The following PTPRM variants were observed in gnomAD, a reference collection of about 807,000 sequenced individuals.
The protein encoded by PTPRM is receptor-type tyrosine-protein phosphatase mu.
Under a neutral mutation model 186.7 loss-of-function variants are expected in PTPRM, and 47 were observed. That is an observed-to-expected ratio of 0.25 (90% confidence interval 0.20 to 0.32). The LOEUF (loss-of-function observed/expected upper bound fraction) is 0.32, where lower values mean the gene tolerates loss of function less well. Ranked by LOEUF, PTPRM falls within the 10% of genes least tolerant of loss-of-function variation. The pLI, the probability that PTPRM is intolerant of heterozygous loss-of-function variation, is 1.00. For synonymous variants in PTPRM, 668 were observed against 674.9 expected (o/e 0.99, Z 0.16); for missense variants, 1,494 against 1,865.0 (o/e 0.80, Z 3.66).
At chr18:7,574,986 C>G (rs1260107734) in intron 1 of PTPRM, among the ~76,000 whole-genome samples, 1 of 152,236 alleles carries the variant, frequency 6.6e-6, no homozygotes, top group South Asian at 2.1e-4. Context: ...GAGCCGAGAT[C>G]GCGCCACTGC....
At chr18:8,312,606 A>G (rs2095277693) in intron 20 of PTPRM, among the ~76,000 whole-genome samples, 1 of 152,076 alleles carries the variant, frequency 6.6e-6, no homozygotes, top group South Asian at 2.1e-4. Context: ...GTAATCCCAC[A>G]AGGTAGGCAC....
intron 23 of PTPRM, chr18:8,360,836 A>G (rs577395992): frequency 1.3e-5 from 2 of 152,388 alleles, no homozygotes; most frequent in Admixed American, 1.3e-4. Context: ...GTAAGTAAAC[A>G]GATGTCTTTA....
chr18:8,365,922 T>C (rs2095626302), intron 23 of PTPRM: 1 of 152,254 alleles, frequency 6.6e-6, no homozygotes, highest in African/African-American at 2.4e-5. Context: ...TGGCTAAATG[T>C]TTTCATCACA....
chr18:7,611,899 CT>C (rs1354422472), intron 1 of PTPRM, among the ~76,000 whole-genome samples: 1 of 152,144 alleles, frequency 6.6e-6, no homozygotes, highest in East Asian at 1.9e-4. Context: ...ATTGCCCAGT[CT>C]TGGGTATGTC....
At chr18:7,646,917 G>A (rs1296548496) in intron 1 of PTPRM, among the ~76,000 whole-genome samples, 1 of 152,098 alleles carries the variant, frequency 6.6e-6, no homozygotes. Context: ...TTTTTAGGGG[G>A]AGGTGGGGGA....
At chr18:8,164,935 T>C (rs2093296884) in intron 14 of PTPRM, among the ~76,000 whole-genome samples, 1 of 151,940 alleles carries the variant, frequency 6.6e-6, no homozygotes, top group Non-Finnish European at 1.5e-5. Flanking sequence ...GAGGCCAAGG[T>C]GGGCGGATCA....
At chr18:7,894,618 TA>T (rs1477066458) in intron 3 of PTPRM, among the ~76,000 whole-genome samples, 2 of 151,656 alleles carry the variant, frequency 1.3e-5, no homozygotes, top group Non-Finnish European at 2.9e-5. Flanking sequence ...TATTTTTTAA[TA>T]TTTTTTTTCC....
At chr18:8,379,457 T>G (rs1447853075) in intron 28 of PTPRM, 117 bp downstream of exon 28, 1 of 1,097,454 alleles carries the variant, frequency 9.1e-7, no homozygotes, top group African/African-American at 1.6e-5. Context: ...GACACAAACT[T>G]TTTTTTCCAA....
chr18:8,269,606 A>G (rs1381883591), intron 19 of PTPRM, among the ~76,000 whole-genome samples: 1 of 152,028 alleles, frequency 6.6e-6, no homozygotes, highest in Non-Finnish European at 1.5e-5. Flanking sequence ...GAATAAAACT[A>G]TAGGCATTAG....
intron 13 of PTPRM, among the ~76,000 whole-genome samples, chr18:8,139,681 T>C (rs1249212043): frequency 3.9e-5 from 6 of 152,166 alleles, no homozygotes; most frequent in Admixed American, 1.3e-4. Context: ...TTCTCCTCCC[T>C]GGATGTCACT....
intron 6 of PTPRM, among the ~76,000 whole-genome samples, chr18:7,953,308 CATTTGCAACTCGAAAGT>C (rs1304025544): frequency 6.6e-6 from 1 of 152,152 alleles, no homozygotes; most frequent in Non-Finnish European, 1.5e-5. Flanking sequence ...CCCTTGCTAG[CATTTGCAACTCGAAAGT>C]AATTAACTGC....
rs1345519818 is a variant in PTPRM, at chr18:8,126,023, A to ATTTT, written c.2167+11197_2167+11198insTTTT. Among the ~76,000 whole-genome samples the ATTTT allele has an allele frequency of 1.8e-3, 85 of 46,004 alleles. 4 individuals carry two copies. The highest frequency in any genetic ancestry group is 2.3e-3 in the East Asian group (2 of 864). The allele number at this position is 46,004 out of a possible 152,430, so 30.2% of individuals were successfully genotyped here. ...TATATATATATATATATATATATAT[A>ATTTT]TATATTTTAAATCAGTAGACCTTTC... On this transcript the variant is annotated intron_variant, in intron 13 of 32. Transcript: ENST00000580170.
chr18:8,402,117 G>A (rs1258800445), intron 32 of PTPRM, among the ~76,000 whole-genome samples: 1 of 152,214 alleles, frequency 6.6e-6, no homozygotes, highest in Non-Finnish European at 1.5e-5. Context: ...AGTGAGCTGA[G>A]AGAGGAAACT....
chr18:8,379,072 C>A, intron 27 of PTPRM, 95 bp from the exon 28 acceptor site: 1 of 1,040,408 alleles, frequency 9.6e-7, no homozygotes, highest in Non-Finnish European at 1.4e-6. Context: ...GTCTTGCAGT[C>A]AGCCACAGGA....
intron 14 of PTPRM, among the ~76,000 whole-genome samples, chr18:8,170,059 G>T (rs1208492464): frequency 6.6e-6 from 1 of 152,132 alleles, no homozygotes; most frequent in Non-Finnish European, 1.5e-5. Context: ...CTTCTGTTGG[G>T]TGAGGGGAAA....
intron 3 of PTPRM, among the ~76,000 whole-genome samples, chr18:7,894,410 C>A (rs1567979339): frequency 6.6e-6 from 1 of 151,968 alleles, no homozygotes; most frequent in Non-Finnish European, 1.5e-5. Context: ...CACGGTGAAA[C>A]CCCGTCTCTA....
intron 1 of PTPRM, among the ~76,000 whole-genome samples, chr18:7,590,454 G>A (rs1413098118): frequency 1.3e-5 from 2 of 152,130 alleles, no homozygotes; most frequent in African/African-American, 4.8e-5. Flanking sequence ...AAAGAAAATA[G>A]TGGAACTTTT....
At chr18:7,859,926 C>G (rs2047279434) in intron 2 of PTPRM, among the ~76,000 whole-genome samples, 1 of 152,102 alleles carries the variant, frequency 6.6e-6, no homozygotes, top group Non-Finnish European at 1.5e-5. Flanking sequence ...AAGTGTTTTC[C>G]CAGGCTCCAT....
chr18:8,013,789 T>C, intron 7 of PTPRM, among the ~76,000 whole-genome samples: 1 of 152,216 alleles, frequency 6.6e-6, no homozygotes, highest in East Asian at 1.9e-4. Context: ...AAAATCTATT[T>C]GAGCTTGTCA....
Sources: gnomAD v4.1 joint callset for allele counts (sites outside exome capture counted in the v4.1 genomes callset) on GRCh38, gnomAD v4.1.1 for gene constraint, MANE v1.5 for transcripts, NCBI Gene and HGNC (gene_info 2026-07-23, HGNC 2026-07-21) for gene names.